The following TMEM117 variants were observed in gnomAD, a reference collection of about 807,000 sequenced individuals.
TMEM117 encodes transmembrane protein 117.
A neutral mutation model predicts 52.4 loss-of-function variants in TMEM117; 27 were observed. The ratio of observed to expected loss-of-function variants is 0.51; its 90% CI spans 0.38 to 0.71. The LOEUF is 0.71. Ranked by LOEUF, TMEM117 falls within the 30% of genes least tolerant of loss-of-function variation. The pLI is 0.00. For missense variants in TMEM117, 556 were observed against 630.5 expected, an observed-to-expected ratio of 0.88 and a Z score of 1.26; for synonymous variants, 215 against 206.3, an observed-to-expected ratio of 1.04 and a Z score of -0.36.
intron 3 of TMEM117, among the ~76,000 whole-genome samples, chr12:44,103,498 C>T (rs1217209092): frequency 6.6e-6 from 1 of 151,910 alleles, no homozygotes; most frequent in Admixed American, 6.6e-5. Flanking sequence ...GTACTTCCTG[C>T]CTTTCTTTTG....
intron 4 of TMEM117, among the ~76,000 whole-genome samples, chr12:44,165,968 A>T (rs1184988159): frequency 2.0e-5 from 3 of 152,210 alleles, no homozygotes. Context: ...TAGACCATAT[A>T]TTAGGCCACA....
chr12:43,916,689 A>T (rs1033223033), intron 2 of TMEM117, among the ~76,000 whole-genome samples: 4 of 152,186 alleles, frequency 2.6e-5, no homozygotes, highest in Non-Finnish European at 5.9e-5. Flanking sequence ...CTGTTGCTGG[A>T]GTATGAAACT....
intron 6 of TMEM117, among the ~76,000 whole-genome samples, chr12:44,349,761 A>G (rs571657417): frequency 1.4e-4 from 22 of 152,096 alleles, no homozygotes; most frequent in African/African-American, 5.3e-4. Context: ...TCATTCACTC[A>G]CTTATTCATT....
chr12:43,986,674 C>G (rs1945852543), intron 3 of TMEM117, among the ~76,000 whole-genome samples: 1 of 152,134 alleles, frequency 6.6e-6, no homozygotes, highest in Admixed American at 6.6e-5. Flanking sequence ...ACTATTACCT[C>G]TCACTTCTGT....
At chr12:43,988,277 T>G (rs1945880952) in intron 3 of TMEM117, among the ~76,000 whole-genome samples, 1 of 151,370 alleles carries the variant, frequency 6.6e-6, no homozygotes, top group Admixed American at 6.6e-5. Flanking sequence ...TGGCAGCATC[T>G]AGTAAAATGA....
chr12:44,061,607 A>C (rs181244571), intron 3 of TMEM117, among the ~76,000 whole-genome samples: 3 of 152,276 alleles, frequency 2.0e-5, no homozygotes, highest in Admixed American at 2.0e-4. Flanking sequence ...TTTCCGTAAC[A>C]CTACAAAATC....
At chr12:44,180,746 C>T (rs1467057141) in intron 4 of TMEM117, among the ~76,000 whole-genome samples, 7 of 152,076 alleles carry the variant, frequency 4.6e-5, no homozygotes, top group Admixed American at 1.3e-4. Flanking sequence ...TTAATCCAGT[C>T]TATCATTGTT....
chr12:44,308,601 T>C (rs912783653), intron 6 of TMEM117, among the ~76,000 whole-genome samples: 3 of 151,678 alleles, frequency 2.0e-5, no homozygotes, highest in African/African-American at 7.3e-5. Flanking sequence ...CTAGATCTGA[T>C]GGACTGATTC....
At chr12:44,148,897 AG>A (rs1398826923) in intron 4 of TMEM117, among the ~76,000 whole-genome samples, 3 of 152,190 alleles carry the variant, frequency 2.0e-5, no homozygotes, top group Admixed American at 2.0e-4. Flanking sequence ...TGAGCATTCT[AG>A]AATCCTATAA....
At chr12:43,930,333 G>A (rs182390027) in intron 2 of TMEM117, among the ~76,000 whole-genome samples, 15 of 152,182 alleles carry the variant, frequency 9.9e-5, no homozygotes, top group South Asian at 4.1e-4. Context: ...TTAGAATTTC[G>A]GGTCATTTCC....
At chr12:44,393,110 A>G (rs1387760171), downstream of TMEM117, among the ~76,000 whole-genome samples, 1 of 152,190 alleles carries the variant, frequency 6.6e-6, no homozygotes, top group African/African-American at 2.4e-5. Flanking sequence ...AATACTACTG[A>G]TAATATTTTA....
At chr12:43,798,489 A>G in the TMEM117 span, 1 of 1,411,608 alleles carries the variant, frequency 7.1e-7, no homozygotes. Flanking sequence ...TTTACTTTTA[A>G]AAAAATGAAT....
intron 6 of TMEM117, among the ~76,000 whole-genome samples, chr12:44,330,271 T>A (rs893902100): frequency 6.6e-6 from 1 of 151,644 alleles, no homozygotes; most frequent in Non-Finnish European, 1.5e-5. Context: ...TTAACTTTTT[T>A]ATGTAAGTTA....
intron 3 of TMEM117, among the ~76,000 whole-genome samples, chr12:43,970,551 G>A (rs1726796656): frequency 6.6e-6 from 1 of 152,156 alleles, no homozygotes; most frequent in African/African-American, 2.4e-5. Flanking sequence ...GCCTCTCAAA[G>A]TGCTGGGATT....
upstream of TMEM117, among the ~76,000 whole-genome samples, chr12:43,833,874 C>G (rs1942996534): frequency 6.6e-6 from 1 of 151,882 alleles, no homozygotes. Context: ...GGGCAGATCA[C>G]TTGAGCTCAG....
intron 3 of TMEM117, among the ~76,000 whole-genome samples, chr12:44,141,697 T>C (rs1443524188): frequency 1.3e-5 from 2 of 152,142 alleles, no homozygotes; most frequent in African/African-American, 2.4e-5. Context: ...TAATCCTTTA[T>C]AGTAATGTTG....
At chr12:43,804,606 T>A in the TMEM117 span, 1 of 1,422,088 alleles carries the variant, frequency 7.0e-7, no homozygotes, top group Non-Finnish European at 9.7e-7. Context: ...AAACTTTTTA[T>A]ACTTACATAT....
chr12:43,959,917 C>G (rs1780836201), intron 3 of TMEM117, among the ~76,000 whole-genome samples: 1 of 152,036 alleles, frequency 6.6e-6, no homozygotes, highest in African/African-American at 2.4e-5. Flanking sequence ...TGTAGCTAAA[C>G]ACAGCATTTA....
At chr12:43,994,039 G>A (rs1037501733) in intron 3 of TMEM117, among the ~76,000 whole-genome samples, 1 of 152,116 alleles carries the variant, frequency 6.6e-6, no homozygotes, top group Non-Finnish European at 1.5e-5. Flanking sequence ...GTTTTCATGA[G>A]AATGGAGATG....
Sources: allele counts gnomAD v4.1 joint callset (sites outside exome capture counted in the v4.1 genomes callset), GRCh38; gene constraint gnomAD v4.1.1; transcripts MANE v1.5; gene names NCBI Gene and HGNC (gene_info 2026-07-23, HGNC 2026-07-21).